Variants in ZNF536 observed in about 807,000 individuals in gnomAD.
The protein encoded by ZNF536 is zinc finger protein 536.
A neutral mutation model predicts 84.5 loss-of-function variants in ZNF536; 13 were observed. That is an observed-to-expected ratio of 0.15 (90% CI 0.10 to 0.24). ZNF536 has a LOEUF of 0.24. ZNF536 is among the 10% of genes least tolerant of loss of function. The pLI is 1.00. For synonymous variants in ZNF536, 811 were observed against 742.5 expected (o/e 1.09, Z -1.50); for missense variants, 1,536 against 1,747.5 (o/e 0.88, Z 2.16).
chr19:30,610,768 G>A (rs945587243), intron 1 of ZNF536, among the ~76,000 whole-genome samples: 2 of 152,118 alleles, frequency 1.3e-5, no homozygotes, highest in African/African-American at 4.8e-5. Flanking sequence ...GTGTGTGGAG[G>A]CGGGTGGGGG....
intron 1 of ZNF536, among the ~76,000 whole-genome samples, chr19:30,251,749 T>G (rs1377109722): frequency 1.3e-5 from 2 of 152,200 alleles, no homozygotes; most frequent in Non-Finnish European, 2.9e-5. Flanking sequence ...CCTTTCCCCC[T>G]GAGTCCCCAA....
intron 1 of ZNF536, among the ~76,000 whole-genome samples, chr19:30,282,875 GAGACATC>G (rs2045500336): frequency 1.3e-5 from 2 of 152,224 alleles, no homozygotes; most frequent in African/African-American, 4.8e-5. Context: ...GGAGATGGTT[GAGACATC>G]AGGTTTTGCT....
At chr19:30,563,576 C>T (rs571258965) in intron 1 of ZNF536, among the ~76,000 whole-genome samples, 5 of 152,306 alleles carry the variant, frequency 3.3e-5, no homozygotes, top group Admixed American at 1.3e-4. Context: ...GTTCTTGAAG[C>T]CTTTGAGGTA....
chr19:30,574,446 G>C (rs2046658245), intron 1 of ZNF536, among the ~76,000 whole-genome samples: 1 of 152,238 alleles, frequency 6.6e-6, no homozygotes, highest in Admixed American at 6.5e-5. Flanking sequence ...GTTGGCTTGT[G>C]GGTGGCCCCC....
intron 1 of ZNF536, among the ~76,000 whole-genome samples, chr19:30,237,322 C>T (rs1174110157): frequency 6.6e-6 from 1 of 152,118 alleles, no homozygotes; most frequent in Non-Finnish European, 1.5e-5. Context: ...GAATCTGTCT[C>T]TTTGACTCAC....
chr19:30,479,369 G>A (rs948855382), intron 2 of ZNF536, among the ~76,000 whole-genome samples: 49 of 152,070 alleles, frequency 3.2e-4, no homozygotes, highest in African/African-American at 1.1e-3. Flanking sequence ...AAATTCCACC[G>A]GCTGAAAGTC....
intron 1 of ZNF536, among the ~76,000 whole-genome samples, chr19:30,269,736 G>A (rs772604670): frequency 2.0e-5 from 3 of 152,176 alleles, no homozygotes; most frequent in Non-Finnish European, 4.4e-5. Flanking sequence ...CTCCTGGCCT[G>A]TGTTTGTACT....
At chr19:30,253,457 A>G (rs1568531427) in intron 1 of ZNF536, among the ~76,000 whole-genome samples, 1 of 152,204 alleles carries the variant, frequency 6.6e-6, no homozygotes, top group Non-Finnish European at 1.5e-5. Flanking sequence ...TCGGGGCCAG[A>G]GACACGCGTT....
intron 2 of ZNF536, among the ~76,000 whole-genome samples, chr19:30,503,513 A>G (rs570887685): frequency 1.3e-5 from 2 of 152,380 alleles, no homozygotes; most frequent in African/African-American, 4.8e-5. Context: ...AACAGCAGGT[A>G]GAGTATGATT....
chr19:30,441,417 T>G (rs1051506263), intron 1 of ZNF536, among the ~76,000 whole-genome samples: 1 of 152,232 alleles, frequency 6.6e-6, no homozygotes, highest in African/African-American at 2.4e-5. Context: ...AGTCTCTGCC[T>G]GGAGCCTCCA....
rs2046446000 is a variant in ZNF536, at chr19:30,309,872, C to T, written c.-120+25731C>T. 2.0e-5 allele frequency among the ~76,000 whole-genome samples: 3 copies of T among 152,144 alleles called. 1 individual carries two copies. In the South Asian group the frequency reaches 6.2e-4, roughly 32 times the overall value. On this transcript the variant is annotated intron_variant, in intron 2 of 5. Coordinates refer to the ZNF536 transcript ENST00000585628. ...AAAAGTTTGGTGATGAAAGTTTTTC[C>T]TTCCTTGGCTTTTTCTGGGTGGTGG...
rs1461614007 is a variant in ZNF536 at position 30,234,774 on chromosome 19, C to T, written c.-190+6101C>T. ...ACACACACACACACACACACACACA[C>T]GCGCACACGCACCCCACACCACGAA... On this transcript the variant is annotated intron_variant, in intron 1 of 5. Transcript: ENST00000585628. Among the ~76,000 whole-genome samples the T allele has an allele frequency of 8.6e-5, 13 of 150,450 alleles. No homozygotes were observed. The South Asian group carries it at 1.0e-3, about 12-fold the overall frequency.
exon 2 of ZNF536, chr19:30,711,294 G>C (rs545658022): frequency 2.6e-5 from 4 of 152,264 alleles, no homozygotes; most frequent in African/African-American, 9.6e-5. Flanking sequence ...GGAGAGAGCT[G>C]GGGGCCCTTC....
chr19:30,646,725 A>C (rs1412211906), intron 1 of ZNF536, among the ~76,000 whole-genome samples: 1 of 152,200 alleles, frequency 6.6e-6, no homozygotes, highest in Admixed American at 6.5e-5. Flanking sequence ...TCATGTATTC[A>C]TCATATTTCA....
intron 2 of ZNF536, among the ~76,000 whole-genome samples, chr19:30,531,957 T>A (rs1275231894): frequency 6.6e-6 from 1 of 152,030 alleles, no homozygotes; most frequent in African/African-American, 2.4e-5. Flanking sequence ...TCTGTGTCCA[T>A]GGTACCCAAT....
At chr19:30,236,741 G>T (rs758217112) in intron 1 of ZNF536, among the ~76,000 whole-genome samples, 11 of 152,166 alleles carry the variant, frequency 7.2e-5, no homozygotes, top group Non-Finnish European at 1.6e-4. Flanking sequence ...CTCAGCCAGG[G>T]TCTGGTCATC....
At chr19:30,253,304 G>C (rs1009441052) in intron 1 of ZNF536, among the ~76,000 whole-genome samples, 3 of 152,158 alleles carry the variant, frequency 2.0e-5, no homozygotes, top group African/African-American at 7.2e-5. Context: ...GAAGTCTGTT[G>C]CTATAATTAG....
chr19:30,661,044 C>T (rs1269281045), intron 1 of ZNF536, among the ~76,000 whole-genome samples: 1 of 152,112 alleles, frequency 6.6e-6, no homozygotes, highest in Admixed American at 6.6e-5. Flanking sequence ...AGAGGCCACC[C>T]GATGATTCCG....
At chr19:30,505,475 A>G (rs953251531) in intron 2 of ZNF536, among the ~76,000 whole-genome samples, 1 of 148,686 alleles carries the variant, frequency 6.7e-6, no homozygotes, top group South Asian at 2.1e-4. Context: ...TCAATAATCT[A>G]TATTATTAAT....
Sources: allele counts gnomAD v4.1 joint callset (sites outside exome capture counted in the v4.1 genomes callset), GRCh38; gene constraint gnomAD v4.1.1; transcripts MANE v1.5; gene names NCBI Gene and HGNC (gene_info 2026-07-23, HGNC 2026-07-21).